Variants in LPP observed in about 807,000 individuals in gnomAD.
LPP encodes LIM domain containing preferred translocation partner in lipoma, also known as lipoma-preferred partner.
A neutral mutation model predicts 60.4 loss-of-function variants in LPP; 38 were observed. The observed-to-expected ratio is 0.63, with a 90% CI of 0.49 to 0.83. LPP has a LOEUF of 0.83. Ranked by LOEUF, LPP falls within the 40% of genes least tolerant of loss-of-function variation. The pLI is 0.00. For missense variants in LPP, 902 were observed against 783.6 expected, an observed-to-expected ratio of 1.15 and a Z score of -1.80; for synonymous variants, 328 against 290.8, an observed-to-expected ratio of 1.13 and a Z score of -1.30.
chr3:188,429,344 A>G (rs1182188425), intron 4 of LPP, among the ~76,000 whole-genome samples: 3 of 152,106 alleles, frequency 2.0e-5, no homozygotes, highest in Non-Finnish European at 4.4e-5. Flanking sequence ...ATTTAATGAG[A>G]TACATTGTTC....
rs964878956 is a variant in LPP at position 188,875,224 on chromosome 3, G to A, written c.*745G>A. On this transcript the variant is annotated 3_prime_UTR_variant, in exon 12 of 12. Transcript: ENST00000617246. The stretch of plus-strand genomic sequence containing the variant: ...TTACAGGTGGGATATGCTAGAAAAG[G>A]CATTTTGGGGTTATGTTTAAAAAAA... 2 of 217,620 alleles carry A rather than the reference G, an allele frequency of 9.2e-6. No homozygotes were observed. The highest frequency in any genetic ancestry group is 1.8e-5 in the Non-Finnish European group (2 of 108,438). The allele number at this position is 217,620 out of a possible 1,614,324, so 13.5% of individuals were successfully genotyped here.
chr3:188,341,687 T>C lies in LPP; in HGVS notation c.-42T>C. On this transcript the variant is annotated 5_prime_UTR_variant, in exon 3 of 12. Transcript: ENST00000617246. Reference sequence around the variant, plus strand: ...GCATTGCAGTTGGCTGAACCTTGTGTCAACCATCCATTCCAGGAGCCAGCT... The same window carrying C: ...GCATTGCAGTTGGCTGAACCTTGTGCCAACCATCCATTCCAGGAGCCAGCT... 6 of 985,306 alleles carry C rather than the reference T, an allele frequency of 6.1e-6. No individual in the cohort carries two copies. Among genetic ancestry groups the C allele is most frequent in the Non-Finnish European group, 7.2e-6 (6 of 829,800 alleles). The allele number at this position is 985,306 out of a possible 1,614,324, so 61.0% of individuals were successfully genotyped here. A position where few individuals can be genotyped will look rare whatever the true frequency, so the allele number is the denominator to read the frequency against.
At chr3:188,852,247 G>A (rs1762839993) in intron 9 of LPP, among the ~76,000 whole-genome samples, 1 of 152,164 alleles carries the variant, frequency 6.6e-6, no homozygotes, top group African/African-American at 2.4e-5. Context: ...GGTTTCTGGT[G>A]TGAGGTCTCT....
intron 3 of LPP, among the ~76,000 whole-genome samples, chr3:188,354,278 T>A (rs1766848126): frequency 6.6e-6 from 1 of 152,244 alleles, no homozygotes; most frequent in Non-Finnish European, 1.5e-5. Flanking sequence ...GTAGTGAATG[T>A]AACATCTTGT....
At chr3:188,465,096 A>G (rs1474448872) in intron 4 of LPP, among the ~76,000 whole-genome samples, 1 of 152,142 alleles carries the variant, frequency 6.6e-6, no homozygotes, top group East Asian at 1.9e-4. Flanking sequence ...CATGGAATTC[A>G]GAAGACAGTG....
At chr3:188,786,408 A>AAAAAAAAC (rs1741935463) in intron 9 of LPP, among the ~76,000 whole-genome samples, 1 of 140,048 alleles carries the variant, frequency 7.1e-6, no homozygotes, top group Non-Finnish European at 1.5e-5. Flanking sequence ...AAAAAAAAAA[A>AAAAAAAAC]AAACCAACCA....
chr3:188,822,252 G>A (rs1187595658), intron 9 of LPP, among the ~76,000 whole-genome samples: 1 of 151,942 alleles, frequency 6.6e-6, no homozygotes, highest in African/African-American at 2.4e-5. Context: ...AACATTGGAG[G>A]GTGTAGCATG....
chr3:188,548,438 G>A (rs191585962), intron 6 of LPP, among the ~76,000 whole-genome samples: 5 of 152,206 alleles, frequency 3.3e-5, no homozygotes, highest in East Asian at 3.9e-4. Context: ...TCTTGCGGTC[G>A]ATGTTTTAGA....
At chr3:188,723,507 G>T (rs558906304) in intron 8 of LPP, among the ~76,000 whole-genome samples, 1 of 152,088 alleles carries the variant, frequency 6.6e-6, no homozygotes, top group South Asian at 2.1e-4. Context: ...TCTATTGAAC[G>T]TCTGGTCCCA....
At chr3:188,761,263 A>G (rs1560169928) in intron 9 of LPP, among the ~76,000 whole-genome samples, 1 of 152,186 alleles carries the variant, frequency 6.6e-6, no homozygotes, top group Non-Finnish European at 1.5e-5. Context: ...GTTCACATTT[A>G]TTGAAGACGT....
In LPP at chr3:188,878,491, A is replaced by T. The variant is rs1418794156; in HGVS notation, c.*4012A>T. 4.6e-6 allele frequency: 1 copy of T among 215,778 alleles called. No individual in the cohort carries two copies. The highest frequency in any genetic ancestry group is 6.9e-5 in the East Asian group (1 of 14,514). The allele number at this position is 215,778 out of a possible 1,614,324, so 13.4% of individuals were successfully genotyped here. A position where few individuals can be genotyped will look rare whatever the true frequency, so the allele number is the denominator to read the frequency against. On this transcript the variant is annotated 3_prime_UTR_variant, in exon 12 of 12. Transcript: ENST00000617246. ...ATAGTACATGTGTGTTATGAATGAA[A>T]TATGACAGCATGTTCCATACCCCTG...
chr3:188,257,341 T>TTACC (rs1342962539), intron 2 of LPP, among the ~76,000 whole-genome samples: 1 of 152,216 alleles, frequency 6.6e-6, no homozygotes, highest in African/African-American at 2.4e-5. Context: ...GTGTCCTCTT[T>TTACC]TACCTGCACA....
rs190058213 is a variant in LPP, at chr3:188,861,350, G to A, written c.1411-4850G>A. Among the ~76,000 whole-genome samples the A allele has an allele frequency of 2.2e-3, 341 of 152,048 alleles. 1 individual carries two copies. Among genetic ancestry groups the A allele is most frequent in the Middle Eastern group, 0.014 (4 of 294 alleles). On this transcript the variant is annotated intron_variant, in intron 9 of 11. Coordinates refer to ENST00000617246, the MANE Select transcript of LPP (RefSeq NM_001375462.1). Reference sequence around the variant, plus strand: ...TTTCCAAGAGTCTTTCCTGTTTCACGATATTGTTTTTGTACCTAAAAAAGG... The same window carrying A: ...TTTCCAAGAGTCTTTCCTGTTTCACAATATTGTTTTTGTACCTAAAAAAGG...
intron 4 of LPP, among the ~76,000 whole-genome samples, chr3:188,421,044 GAAGA>G (rs975486158): frequency 6.6e-6 from 1 of 152,232 alleles, no homozygotes; most frequent in African/African-American, 2.4e-5. Flanking sequence ...TTTTACTGTT[GAAGA>G]GAGGGAAGCT....
At chr3:188,172,697 T>C (rs556321368) in intron 1 of LPP, among the ~76,000 whole-genome samples, 1 of 152,346 alleles carries the variant, frequency 6.6e-6, no homozygotes, top group South Asian at 2.1e-4. Context: ...TACATTACTA[T>C]GGAACGTTTG....
chr3:188,250,784 T>TTC lies in LPP; in HGVS notation c.-67+25259_-67+25260dup, dbSNP rs1553835749. ...TTTCTTTCTTTCTTTCTTTCTTTCT[T>TTC]TCTGTCTTTCTCTTTCTTTCTTTCT... is the stretch of plus-strand genomic sequence containing the variant. On this transcript the variant is annotated intron_variant, in intron 2 of 11. Coordinates refer to ENST00000617246, the MANE Select transcript of LPP (RefSeq NM_001375462.1). Among the ~76,000 whole-genome samples, 41 of 116,932 alleles carry TTC rather than the reference T, an allele frequency of 3.5e-4. No individual in the cohort carries two copies. The South Asian group carries it at 5.4e-3, about 15-fold the overall frequency. The allele number at this position is 116,932 out of a possible 152,430, so 76.7% of individuals were successfully genotyped here.
chr3:188,476,367 T>G (rs1803231319), intron 4 of LPP, among the ~76,000 whole-genome samples: 1 of 152,236 alleles, frequency 6.6e-6, no homozygotes, highest in African/African-American at 2.4e-5. Context: ...TTTCAACCAG[T>G]ACCCTGTTAA....
chr3:188,442,277 C>A (rs1461464010), intron 4 of LPP, among the ~76,000 whole-genome samples: 1 of 152,160 alleles, frequency 6.6e-6, no homozygotes, highest in Non-Finnish European at 1.5e-5. Flanking sequence ...TCCCCCAGCC[C>A]CACACACCCC....
chr3:188,791,022 G>A (rs1051318772), intron 9 of LPP, among the ~76,000 whole-genome samples: 14 of 152,156 alleles, frequency 9.2e-5, no homozygotes, highest in Non-Finnish European at 1.8e-4. Flanking sequence ...TCCTGCTTAG[G>A]CAGAAGCCTT....
Sources: allele counts gnomAD v4.1 joint callset (sites outside exome capture counted in the v4.1 genomes callset), GRCh38; gene constraint gnomAD v4.1.1; transcripts MANE v1.5; gene names NCBI Gene and HGNC (gene_info 2026-07-23, HGNC 2026-07-21).